AP1B1: variants seen among roughly 807,000 people sequenced by gnomAD.
The protein encoded by AP1B1 is AP-1 complex subunit beta-1.
AP1B1 carries 36 observed loss-of-function variants against 104.3 expected under a neutral mutation model. That is an observed-to-expected ratio of 0.35 (90% CI 0.26 to 0.46). The LOEUF (loss-of-function observed/expected upper bound fraction) is 0.46. Ranked by LOEUF, AP1B1 falls within the 20% of genes least tolerant of loss-of-function variation. The pLI is 1.00. For synonymous variants in AP1B1, 504 were observed against 517.5 expected, an observed-to-expected ratio of 0.97 and a Z score of 0.35; for missense variants, 901 against 1,247.9, an observed-to-expected ratio of 0.72 and a Z score of 4.19.
intron 1 of AP1B1, among the ~76,000 whole-genome samples, chr22:29,372,280 C>T (rs1317731249): frequency 2.0e-5 from 3 of 151,790 alleles, no homozygotes; most frequent in Non-Finnish European, 4.4e-5. Flanking sequence ...AAAAATTAGC[C>T]GGGCATGCTG....
rs769527386 is a variant in AP1B1 at position 29,341,462 on chromosome 22, G to A, written c.1796+39C>T. The A allele has an allele frequency of 3.1e-6, 5 of 1,588,736 alleles. No homozygotes were observed. The African/African-American group carries it at 4.0e-5, about 13-fold the overall frequency. ...CCTGTGCTGCTAAACTGGGGAAGCA[G>A]AGTGTGAAGGCGCAGGCCGACTGGC... On this transcript the variant is annotated intron_variant, in intron 13 of 22. Transcript: ENST00000357586.
intron 11 of AP1B1, among the ~76,000 whole-genome samples, chr22:29,346,459 C>T (rs997930375): frequency 1.3e-5 from 2 of 152,170 alleles, no homozygotes; most frequent in Non-Finnish European, 2.9e-5. Context: ...GCATTAGGTT[C>T]TCATAAGGAA....
intron 19 of AP1B1, 77 bp downstream of exon 19, chr22:29,331,372 G>T: frequency 7.0e-7 from 1 of 1,428,230 alleles, no homozygotes; most frequent in Non-Finnish European, 9.9e-7. Context: ...CTGGACCTTG[G>T]TAAAGGCACC....
chr22:29,379,439 C>A (rs931150815), intron 1 of AP1B1, among the ~76,000 whole-genome samples: 2 of 152,226 alleles, frequency 1.3e-5, no homozygotes, highest in Admixed American at 6.5e-5. Flanking sequence ...TACAGAACAA[C>A]GCTCTTTGTG....
chr22:29,343,799 G>A (rs1479443108), intron 11 of AP1B1, among the ~76,000 whole-genome samples: 1 of 152,074 alleles, frequency 6.6e-6, no homozygotes, highest in Admixed American at 6.5e-5. Flanking sequence ...CGTTAATGGA[G>A]AGTTGATGAA....
chr22:29,380,940 G>A (rs1480650422), intron 1 of AP1B1, among the ~76,000 whole-genome samples: 1 of 152,140 alleles, frequency 6.6e-6, no homozygotes, highest in Non-Finnish European at 1.5e-5. Context: ...TCCTATAAGA[G>A]ATGCATGCCC....
intron 2 of AP1B1, among the ~76,000 whole-genome samples, chr22:29,365,294 A>G (rs1318903875): frequency 2.0e-5 from 3 of 152,126 alleles, no homozygotes; most frequent in African/African-American, 2.4e-5. Context: ...GAACCCAGGC[A>G]TGTCTGTCCA....
chr22:29,371,133 A>G (rs932935592), intron 1 of AP1B1, among the ~76,000 whole-genome samples: 4 of 152,246 alleles, frequency 2.6e-5, no homozygotes, highest in Non-Finnish European at 5.9e-5. Flanking sequence ...TTAGTGATGT[A>G]CTGAGGGCAG....
intron 1 of AP1B1, among the ~76,000 whole-genome samples, chr22:29,384,350 T>C (rs2148062523): frequency 6.6e-6 from 1 of 152,294 alleles, no homozygotes. Context: ...TTGAAAGTAG[T>C]CTCAGCACTG....
intron 2 of AP1B1, among the ~76,000 whole-genome samples, chr22:29,366,617 G>A (rs911643782): frequency 3.3e-5 from 5 of 151,992 alleles, no homozygotes; most frequent in African/African-American, 9.7e-5. Flanking sequence ...CAACAAGAGC[G>A]AAACTCCGTC....
At position 29,345,525 on chromosome 22, in the gene AP1B1, C is replaced by T. The variant is rs183303988; in HGVS notation, c.1438-3142G>A. ...TAGCTGGGACTACAGGGGTGTGCCA[C>T]CACACCCAGCTAATTTTTTTTTTTT... On this transcript the variant is annotated intron_variant, in intron 11 of 22. Coordinates refer to ENST00000357586, the MANE Select transcript of AP1B1 (RefSeq NM_001127.4). 3.5e-5 allele frequency among the ~76,000 whole-genome samples: 5 copies of T among 143,158 alleles called. No individual in the cohort carries two copies. The South Asian group carries it at 9.7e-4, about 28-fold the overall frequency. The allele number at this position is 143,158 out of a possible 152,430, so 93.9% of individuals were successfully genotyped here.
chr22:29,367,487 A>T (rs1467899018), intron 1 of AP1B1, among the ~76,000 whole-genome samples: 3 of 145,008 alleles, frequency 2.1e-5, no homozygotes, highest in African/African-American at 5.2e-5. Flanking sequence ...TTCTTCAGAG[A>T]TGGGATCTCA....
rs1380524520 is a variant in AP1B1 at position 29,354,747 on chromosome 22, G to A, written c.841C>T (p.Leu281Phe). Residue 281 changes from leucine to phenylalanine, a missense_variant, in exon 7 of 23, where the codon CTC (leucine) becomes TTC (phenylalanine). By Grantham distance (22) the Leu-to-Phe change is conservative. Coordinates refer to ENST00000357586, the MANE Select transcript of AP1B1 (RefSeq NM_001127.4). Reference protein sequence around the residue: ...SKDLDYYGTLLKKLAPPLVTL... With the variant: ...SKDLDYYGTLFKKLAPPLVTL... ...ACCAGGGGTGGGGCCAGCTTCTTGAGCAGTGTGCCGTAGTAGTCCAAGTCC... is the reference window on the plus strand; with the variant it reads ...ACCAGGGGTGGGGCCAGCTTCTTGAACAGTGTGCCGTAGTAGTCCAAGTCC... 2 of 1,614,120 alleles carry A rather than the reference G, an allele frequency of 1.2e-6. No homozygotes were observed. The highest frequency in any genetic ancestry group is 8.5e-7 in the Non-Finnish European group (1 of 1,180,034).
chr22:29,331,073 T>C (rs1472138596), intron 19 of AP1B1, among the ~76,000 whole-genome samples: 1 of 152,090 alleles, frequency 6.6e-6, no homozygotes, highest in Non-Finnish European at 1.5e-5. Context: ...AGGGGCAGGG[T>C]GCAGGCCGTC....
At chr22:29,368,607 C>T (rs532338307) in intron 1 of AP1B1, among the ~76,000 whole-genome samples, 95 of 152,310 alleles carry the variant, frequency 6.2e-4, no homozygotes, top group Admixed American at 1.2e-3. Context: ...TGTTACATGA[C>T]GTGCCCAAGG....
At position 29,373,540 on chromosome 22, in the gene AP1B1, G is replaced by A. The variant is rs116929602; in HGVS notation, c.-27-6270C>T. Among the ~76,000 whole-genome samples the A allele has an allele frequency of 5.0e-4, 76 of 152,252 alleles. No individual in the cohort carries two copies. The East Asian group carries it at 0.014, about 29-fold the overall frequency. ...GCCCCTGCAGTAAGGGAAATGATCT[G>A]CATCCTGATGCAGATACTGGACACA... is the stretch of plus-strand genomic sequence containing the variant. On this transcript the variant is annotated intron_variant, in intron 1 of 22. Transcript: ENST00000357586.
intron 11 of AP1B1, among the ~76,000 whole-genome samples, chr22:29,345,942 C>T (rs188076364): frequency 9.2e-5 from 14 of 152,280 alleles, no homozygotes; most frequent in Admixed American, 6.5e-5. Flanking sequence ...CCTTGGCCTC[C>T]CAAAATGCTA....
At chr22:29,329,963 C>A in intron 21 of AP1B1, 1 of 1,416,960 alleles carries the variant, frequency 7.1e-7, no homozygotes, top group Non-Finnish European at 9.2e-7. Context: ...CTGTGTGCCC[C>A]AGGGAAGCCA....
intron 15 of AP1B1, 123 bp from the exon 16 acceptor site, chr22:29,339,256 T>C: frequency 2.7e-6 from 3 of 1,100,298 alleles, no homozygotes; most frequent in Non-Finnish European, 2.6e-6. Context: ...ACAGCCTCCA[T>C]ATCAACTCTA....
Sources: allele counts gnomAD v4.1 joint callset (sites outside exome capture counted in the v4.1 genomes callset), GRCh38; gene constraint gnomAD v4.1.1; transcripts MANE v1.5; gene names NCBI Gene and HGNC (gene_info 2026-07-23, HGNC 2026-07-21).